PLCE1: variants seen among roughly 807,000 people sequenced by gnomAD.
PLCE1 encodes 1-phosphatidylinositol 4,5-bisphosphate phosphodiesterase epsilon-1.
PLCE1 carries 119 observed loss-of-function variants against 242.8 expected under a neutral mutation model. That is an observed-to-expected ratio of 0.49 (90% CI 0.42 to 0.57). The LOEUF (loss-of-function observed/expected upper bound fraction) is 0.57, where lower values mean the gene tolerates loss of function less well. Ranked by LOEUF, PLCE1 falls within the 20% of genes least tolerant of loss-of-function variation. The pLI is 0.00. For missense variants in PLCE1, 2,441 were observed against 2,788.8 expected (o/e 0.88, Z 2.81); for synonymous variants, 945 against 1,017.4 (o/e 0.93, Z 1.35).
intron 4 of PLCE1, among the ~76,000 whole-genome samples, chr10:94,180,018 C>T (rs1001265482): frequency 6.6e-6 from 1 of 151,496 alleles, no homozygotes; most frequent in African/African-American, 2.4e-5. Context: ...ATTATGATCA[C>T]CCCCACTTAA....
rs924500047 is a variant in PLCE1 at position 94,265,522 on chromosome 10, T to G, written c.4054-125T>G. Reference sequence around the variant, plus strand: ...TCTTACCACTACGTTACTAAATTAGTTCAAATATTTGGTTTAGATGTTTCC... The same window carrying G: ...TCTTACCACTACGTTACTAAATTAGGTCAAATATTTGGTTTAGATGTTTCC... On this transcript the variant is annotated intron_variant, in intron 14 of 32. Transcript: ENST00000371380. 8 of 828,964 alleles carry G rather than the reference T, an allele frequency of 9.7e-6. No individual in the cohort carries two copies. The African/African-American group carries it at 1.4e-4, about 14-fold the overall frequency. The allele number at this position is 828,964 out of a possible 1,614,324, so 51.4% of individuals were successfully genotyped here.
intron 3 of PLCE1, among the ~76,000 whole-genome samples, chr10:94,152,571 G>T (rs1459717785): frequency 6.6e-6 from 1 of 152,174 alleles, no homozygotes; most frequent in Non-Finnish European, 1.5e-5. Flanking sequence ...GTCCTCATTA[G>T]TTAACTACCT....
intron 1 of PLCE1, among the ~76,000 whole-genome samples, chr10:94,016,265 G>A (rs948518330): frequency 5.9e-5 from 9 of 151,980 alleles, no homozygotes; most frequent in African/African-American, 2.2e-4. Flanking sequence ...AATAGTACTA[G>A]GTTGAGTGTC....
intron 1 of PLCE1, among the ~76,000 whole-genome samples, chr10:94,010,638 C>T (rs922076346): frequency 6.6e-6 from 1 of 152,198 alleles, no homozygotes; most frequent in Non-Finnish European, 1.5e-5. Context: ...TAGAAGCAGT[C>T]AGGCTACCTC....
chr10:94,233,662 T>C (rs1475967777), intron 5 of PLCE1, among the ~76,000 whole-genome samples: 3 of 152,274 alleles, frequency 2.0e-5, no homozygotes, highest in Middle Eastern at 3.4e-3. Context: ...GTAAAGAATA[T>C]TGGGGCTGGG....
At chr10:94,246,713 C>A (rs921628723) in intron 8 of PLCE1, 92 bp downstream of exon 8, 139 of 1,144,722 alleles carry the variant, frequency 1.2e-4, no homozygotes, top group Non-Finnish European at 9.3e-5. Flanking sequence ...GCTCCCAGCT[C>A]TGACAGTTAC....
chr10:94,193,985 A>C (rs1173880965), intron 4 of PLCE1, among the ~76,000 whole-genome samples: 1 of 152,264 alleles, frequency 6.6e-6, no homozygotes, highest in South Asian at 2.1e-4. Flanking sequence ...TACATTTTAC[A>C]GTGTGATTTC....
rs956919704 is a variant in PLCE1, at chr10:94,328,609, C to T, written c.*666C>T. 1 of 152,200 alleles carries T rather than the reference C, an allele frequency of 6.6e-6. No individual in the cohort carries two copies. Among genetic ancestry groups the T allele is most frequent in the African/African-American group, 2.4e-5 (1 of 41,416 alleles). The allele number at this position is 152,200 out of a possible 1,614,324, so 9.4% of individuals were successfully genotyped here. On this transcript the variant is annotated 3_prime_UTR_variant, in exon 33 of 33. Transcript: ENST00000371380. The stretch of plus-strand genomic sequence containing the variant: ...CTGAAAACAGGAAAGGAAGTTTAGC[C>T]ATACATTTTATGGCCGAGAATTAGA...
chr10:94,083,244 T>TA (rs762589349), intron 2 of PLCE1, among the ~76,000 whole-genome samples: 6 of 152,180 alleles, frequency 3.9e-5, no homozygotes, highest in Non-Finnish European at 5.9e-5. Flanking sequence ...GTGTATTGGA[T>TA]AAAATAACAT....
intron 3 of PLCE1, among the ~76,000 whole-genome samples, chr10:94,144,567 A>G (rs1279251187): frequency 6.6e-6 from 1 of 152,234 alleles, no homozygotes; most frequent in Non-Finnish European, 1.5e-5. Context: ...GAAAAGAAGC[A>G]GCTCCTGTTA....
chr10:94,038,186 G>C (rs2061701116), intron 2 of PLCE1, among the ~76,000 whole-genome samples: 1 of 152,066 alleles, frequency 6.6e-6, no homozygotes, highest in South Asian at 2.1e-4. Context: ...GGGAGTCCTG[G>C]GGTTAGAGAG....
chr10:94,153,821 A>T (rs2047346737), intron 3 of PLCE1, among the ~76,000 whole-genome samples: 1 of 152,234 alleles, frequency 6.6e-6, no homozygotes, highest in Non-Finnish European at 1.5e-5. Context: ...TAACAAAAAA[A>T]GTGCAAGACT....
intron 2 of PLCE1, among the ~76,000 whole-genome samples, chr10:94,081,319 T>A (rs1182995320): frequency 1.3e-5 from 2 of 152,220 alleles, no homozygotes; most frequent in African/African-American, 2.4e-5. Context: ...GTTTATATTA[T>A]CATGTGTTGT....
chr10:94,192,242 G>A (rs2048690250), intron 4 of PLCE1, among the ~76,000 whole-genome samples: 1 of 152,050 alleles, frequency 6.6e-6, no homozygotes, highest in Non-Finnish European at 1.5e-5. Context: ...TGTTTCATGG[G>A]TGTGCTGTAT....
intron 2 of PLCE1, among the ~76,000 whole-genome samples, chr10:94,071,223 G>C (rs903986804): frequency 6.6e-6 from 1 of 151,898 alleles, no homozygotes; most frequent in African/African-American, 2.4e-5. Context: ...GGAGTGTCCT[G>C]CTCACATCCT....
rs754933489 is a variant in PLCE1 at position 94,032,187 on chromosome 10, C to G, written c.1141C>G (p.Pro381Ala). 1.2e-6 allele frequency: 2 copies of G among 1,611,712 alleles called. No homozygotes were observed. Among genetic ancestry groups the G allele is most frequent in the Non-Finnish European group, 1.7e-6 (2 of 1,179,230 alleles). ...PLLPCGRVME[P>A]PSTVEIRQDG... ...ACTGCCTTGTGGGAGAGTAATGGAA[C>G]CCCCGTCAACAGTGGAGATAAGGCA... is the stretch of plus-strand genomic sequence containing the variant. The change falls in exon 2 of 33, where the codon CCC becomes GCC. Residue 381 changes from proline (P) to alanine (A), a missense_variant. Pro to Ala is a conservative substitution (Grantham distance 27, BLOSUM62 -1). This residue lies in a region of PLCE1 where 733 missense variants were observed against 754.2 expected (regional missense o/e 0.97). Coordinates refer to ENST00000371380, the MANE Select transcript of PLCE1 (RefSeq NM_016341.4).
At chr10:94,194,135 G>A (rs2048749412) in intron 4 of PLCE1, among the ~76,000 whole-genome samples, 1 of 152,114 alleles carries the variant, frequency 6.6e-6, no homozygotes, top group Non-Finnish European at 1.5e-5. Context: ...GCCTATTAGG[G>A]AGTCAGATAC....
chr10:94,111,510 G>A lies in PLCE1; in HGVS notation c.1207-20664G>A, dbSNP rs192927812. ...GGAACAGGATTGTCCTCAGAGCCTAGGGCAGCCCTCAGCTTGCTGGTGGAA... is the reference window on the plus strand; with the variant it reads ...GGAACAGGATTGTCCTCAGAGCCTAAGGCAGCCCTCAGCTTGCTGGTGGAA... On this transcript the variant is annotated intron_variant, in intron 2 of 32. Coordinates refer to ENST00000371380, the MANE Select transcript of PLCE1 (RefSeq NM_016341.4). Among the ~76,000 whole-genome samples, 6 of 152,270 alleles carry A rather than the reference G, an allele frequency of 3.9e-5. No individual in the cohort carries two copies. The East Asian group carries it at 9.7e-4, about 25-fold the overall frequency.
In PLCE1 at chr10:94,321,908, A is replaced by G; in HGVS notation, c.6350A>G (p.Glu2117Gly). 6.2e-7 allele frequency: 1 copy of G among 1,612,924 alleles called. No individual in the cohort carries two copies. Among genetic ancestry groups the G allele is most frequent in the Non-Finnish European group, 8.5e-7 (1 of 1,178,910 alleles). Residue 2117 changes from glutamate (E) to glycine (G), a missense_variant, in exon 30 of 33, where the codon GAA (glutamate) becomes GGA (glycine). Transcript: ENST00000371380. ...IVLKTQQENL[E>G]EKNIVQDDKE... ...TTTTCTTTTTAAACATAGAACCTAG[A>G]AGAGAAAAACATTGTTCAAGATGAC...
Sources: allele counts gnomAD v4.1 joint callset (sites outside exome capture counted in the v4.1 genomes callset), GRCh38; gene constraint gnomAD v4.1.1; regional missense constraint gnomAD v4.1.1; transcripts MANE v1.5; gene names NCBI Gene and HGNC (gene_info 2026-07-23, HGNC 2026-07-21).